ANK3: variants seen among roughly 807,000 people sequenced by gnomAD.
ANK3 encodes ankyrin 3.
In ANK3, 57 loss-of-function variants were observed where a neutral mutation model predicts 370.9. The ratio of observed to expected loss-of-function variants is 0.15; its 90% CI spans 0.12 to 0.19. The LOEUF is 0.19. Among genes scored for constraint, ANK3 ranks in the 10% least tolerant of loss-of-function variants. The pLI is 1.00. For synonymous variants in ANK3, 1,929 were observed against 1,946.3 expected, an observed-to-expected ratio of 0.99 and a Z score of 0.23; for missense variants, 4,439 against 5,302.1, an observed-to-expected ratio of 0.84 and a Z score of 5.06.
intron 25 of ANK3, 47 bp downstream of exon 25, chr10:60,134,224 C>A: frequency 1.4e-6 from 2 of 1,436,590 alleles, no homozygotes; most frequent in Admixed American, 1.8e-5. Context: ...TTAAATCATA[C>A]AAATGTAAGT....
chr10:60,093,724 G>T (rs1365681192), intron 28 of ANK3, among the ~76,000 whole-genome samples: 1 of 152,146 alleles, frequency 6.6e-6, no homozygotes, highest in Admixed American at 6.6e-5. Context: ...CTTTGATAAG[G>T]CATTAAAGCC....
At chr10:60,116,366 T>C (rs939062086) in intron 25 of ANK3, among the ~76,000 whole-genome samples, 1 of 152,044 alleles carries the variant, frequency 6.6e-6, no homozygotes, top group East Asian at 1.9e-4. Flanking sequence ...GATAACAACC[T>C]CTACACCATA....
rs147941173 is a variant in ANK3 at position 60,055,995 on chromosome 10, C to T, written c.12728G>A (p.Gly4243Glu). 7 of 1,613,712 alleles carry T rather than the reference C, an allele frequency of 4.3e-6. No individual in the cohort carries two copies. The African/African-American group carries it at 6.7e-5, about 15-fold the overall frequency. Residue 4243 changes from glycine to glutamate, a missense_variant, in exon 42 of 44, where the codon GGA becomes GAA. This residue lies in a region of ANK3 where 242 missense variants were observed against 228.0 expected (regional missense o/e 1.06). Transcript: ENST00000280772. ...ATTTGCTTCAAATTTGCCAGCTTCTCCTTTGAGATATGAGGTAATGGAATC... is the reference window on the plus strand; with the variant it reads ...ATTTGCTTCAAATTTGCCAGCTTCTTCTTTGAGATATGAGGTAATGGAATC... ...CRDSITSYLK[G>E]EAGKFEANGS... is the part of the protein sequence containing the mutation.
chr10:60,166,701 T>C (rs1422201444), intron 22 of ANK3, 48 bp from the exon 23 acceptor site: 1 of 1,598,130 alleles, frequency 6.3e-7, no homozygotes, highest in Non-Finnish European at 8.6e-7. Flanking sequence ...ATACATACTC[T>C]TGATATTACA....
intron 2 of ANK3, among the ~76,000 whole-genome samples, chr10:60,551,482 T>A (rs1250069598): frequency 6.6e-6 from 1 of 152,194 alleles, no homozygotes; most frequent in Non-Finnish European, 1.5e-5. Context: ...AAAGAAGATA[T>A]GTATGTACAA....
chr10:60,163,858 A>G (rs67513324), intron 23 of ANK3, among the ~76,000 whole-genome samples: 60,977 of 151,976 alleles, frequency 0.4, 13,238 homozygotes, highest in East Asian at 0.53. Context: ...ATTTGCTTTT[A>G]AAAGCTGCTG....
chr10:60,434,122 A>T (rs1232779387), intron 2 of ANK3, among the ~76,000 whole-genome samples: 1 of 152,262 alleles, frequency 6.6e-6, no homozygotes, highest in Non-Finnish European at 1.5e-5. Context: ...TCCTTGATTA[A>T]ACATTCAAAA....
intron 8 of ANK3, among the ~76,000 whole-genome samples, chr10:60,232,898 C>T (rs1273323006): frequency 6.6e-6 from 1 of 152,106 alleles, no homozygotes; most frequent in East Asian, 1.9e-4. Context: ...TAAATCAAAG[C>T]ACTACAGAAA....
rs185126186 is a variant in ANK3, at chr10:60,474,312, A to G, written c.96+140874T>C. Among the ~76,000 whole-genome samples, 1,208 of 152,288 alleles carry G rather than the reference A, an allele frequency of 7.9e-3. 6 individuals carry two copies. Among genetic ancestry groups the G allele is most frequent in the Non-Finnish European group, 0.012 (798 of 68,022 alleles). On this transcript the variant is annotated intron_variant, in intron 2 of 43. Transcript: ENST00000373827. ...GGACATGCTCAAACTTTATGGAGAC[A>G]GTGCTTCCACGCACAGGCAAACTTA...
At chr10:60,609,259 T>A (rs1310656598) in intron 2 of ANK3, among the ~76,000 whole-genome samples, 5 of 152,184 alleles carry the variant, frequency 3.3e-5, no homozygotes, top group Non-Finnish European at 5.9e-5. Context: ...TCATGATTCC[T>A]AATGAGTAAC....
chr10:60,048,591 A>T (rs1398919785), intron 42 of ANK3, among the ~76,000 whole-genome samples: 3 of 152,192 alleles, frequency 2.0e-5, no homozygotes, highest in Admixed American at 6.5e-5. Context: ...TATACTTTAA[A>T]TCACCTCTAG....
intron 28 of ANK3, among the ~76,000 whole-genome samples, chr10:60,104,357 CAAAAAAAAAAAAAAAAAAAAA>C (rs747064489): frequency 1.7e-4 from 9 of 53,726 alleles, no homozygotes; most frequent in Admixed American, 6.2e-4. Context: ...GACTCCATCT[CAAAAAAAAAAAAAAAAAAAAA>C]AAAAAAAAAA....
At position 60,203,033 on chromosome 10, in the gene ANK3, T is replaced by A. The variant is rs774827889; in HGVS notation, c.1361A>T (p.His454Leu). 1 of 1,613,000 alleles carries A rather than the reference T, an allele frequency of 6.2e-7. No homozygotes were observed. The highest frequency in any genetic ancestry group is 8.5e-7 in the Non-Finnish European group (1 of 1,179,404). ...GHVNIVSQLM[H>L]HGASPNTTNV... is the part of the protein sequence containing the mutation. ...GGTGGTGTTTGGTGAGGCTCCATGA[T>A]GCATTAGTTGTGATACAATATTTAC... is the stretch of plus-strand genomic sequence containing the variant. The change falls in exon 12 of 44, where the codon CAT becomes CTT. Residue 454 changes from histidine to leucine, a missense_variant. Physicochemically the swap from His to Leu is moderately conservative, Grantham distance 99. This residue lies in a region of ANK3 where 227 missense variants were observed against 377.6 expected (regional missense o/e 0.60). Coordinates refer to ENST00000280772, the MANE Select transcript of ANK3 (RefSeq NM_020987.5).
intron 2 of ANK3, among the ~76,000 whole-genome samples, chr10:60,610,837 G>C (rs1179326467): frequency 1.3e-5 from 2 of 152,138 alleles, no homozygotes; most frequent in Non-Finnish European, 2.9e-5. Flanking sequence ...AGAAAACAGA[G>C]GGGCAATTGA....
intron 23 of ANK3, chr10:60,140,315 A>C (rs2094506515): frequency 6.2e-7 from 1 of 1,610,098 alleles, no homozygotes. Context: ...ATCTCAAACA[A>C]AAACAGCACA....
At chr10:60,135,770 A>G (rs1348461398) in intron 24 of ANK3, among the ~76,000 whole-genome samples, 1 of 152,150 alleles carries the variant, frequency 6.6e-6, no homozygotes, top group Non-Finnish European at 1.5e-5. Flanking sequence ...TGCTATACTA[A>G]AGAAAATCAG....
At chr10:60,394,715 C>T (rs938273319), upstream of ANK3, among the ~76,000 whole-genome samples, 10 of 152,120 alleles carry the variant, frequency 6.6e-5, no homozygotes, top group African/African-American at 2.4e-4. Context: ...ACTGGTAGTG[C>T]CTGGCAGAGT....
At position 60,389,645 on chromosome 10, in the gene ANK3, A is replaced by G. The variant is rs964715753; in HGVS notation, c.-107T>C. The G allele has an allele frequency of 2.0e-6, 3 of 1,518,770 alleles. No homozygotes were observed. The highest frequency in any genetic ancestry group is 2.4e-5 in the Admixed American group (1 of 42,034). 94.1% of individuals were successfully genotyped at this position (1,518,770 alleles called of 1,614,324 possible). On this transcript the variant is annotated 5_prime_UTR_variant, in exon 1 of 44. Transcript: ENST00000280772. ...CAGCAGCATTCCAATCACTAGAGAG[A>G]AAGCTTTGACTAGAAGCAGGAAGAT...
chr10:60,542,332 T>C (rs1330158815), intron 2 of ANK3, among the ~76,000 whole-genome samples: 2 of 151,876 alleles, frequency 1.3e-5, no homozygotes, highest in Non-Finnish European at 2.9e-5. Flanking sequence ...ACATCCAACC[T>C]TAATCTTCCT....
Sources: gnomAD v4.1 joint callset for allele counts (sites outside exome capture counted in the v4.1 genomes callset) on GRCh38, gnomAD v4.1.1 for gene constraint, gnomAD v4.1.1 regional missense constraint, MANE v1.5 for transcripts, NCBI Gene and HGNC (gene_info 2026-07-23, HGNC 2026-07-21) for gene names.